The following SYNE1 variants were observed in gnomAD, a reference collection of about 807,000 sequenced individuals.
SYNE1 encodes the protein nesprin-1.
Under a neutral mutation model 1,111.0 loss-of-function variants are expected in SYNE1, and 616 were observed. That is an observed-to-expected ratio of 0.55 (90% CI 0.52 to 0.59). The LOEUF (loss-of-function observed/expected upper bound fraction) is 0.59. SYNE1 is among the 20% of genes least tolerant of loss of function. The pLI is 0.00. For missense variants in SYNE1, 10,006 were observed against 10,417.0 expected, an observed-to-expected ratio of 0.96 and a Z score of 1.72; for synonymous variants, 3,855 against 3,825.8, an observed-to-expected ratio of 1.01 and a Z score of -0.28.
intron 4 of SYNE1, among the ~76,000 whole-genome samples, chr6:152,535,485 A>T (rs1006201827): frequency 1.3e-5 from 2 of 152,164 alleles, no homozygotes; most frequent in African/African-American, 4.8e-5. Context: ...TGCTCATTCT[A>T]TATTGAAAAG....
intron 115 of SYNE1, 91 bp downstream of exon 115, chr6:152,230,456 T>G: frequency 7.4e-7 from 1 of 1,348,668 alleles, no homozygotes; most frequent in South Asian, 1.3e-5. Flanking sequence ...TTTAAAAAAA[T>G]ATTTAACTTG....
intron 2 of SYNE1, among the ~76,000 whole-genome samples, chr6:152,632,406 G>T (rs906548623): frequency 6.6e-6 from 1 of 152,074 alleles, no homozygotes; most frequent in African/African-American, 2.4e-5. Context: ...GTGAAATCAT[G>T]ATTTTCTTGC....
intron 34 of SYNE1, among the ~76,000 whole-genome samples, chr6:152,432,507 G>C (rs574973130): frequency 6.6e-6 from 1 of 151,966 alleles, no homozygotes; most frequent in Admixed American, 6.6e-5. Flanking sequence ...TGTATTTCTA[G>C]TCTGATAAAA....
intron 74 of SYNE1, 82 bp downstream of exon 74, chr6:152,343,999 G>T (rs1241659738): frequency 6.3e-7 from 1 of 1,581,504 alleles, no homozygotes; most frequent in Non-Finnish European, 8.7e-7. Context: ...ATACAGTTTG[G>T]CACATCATAG....
intron 126 of SYNE1, among the ~76,000 whole-genome samples, chr6:152,204,365 C>CAAAAAAAAAAAAA (rs57252682): frequency 1.1e-5 from 1 of 89,796 alleles, no homozygotes; most frequent in Non-Finnish European, 2.5e-5. Context: ...GACTCTATGT[C>CAAAAAAAAAAAAA]AAAAAAAAAA....
chr6:152,298,399 G>A (rs1416018858), intron 93 of SYNE1, among the ~76,000 whole-genome samples: 2 of 152,154 alleles, frequency 1.3e-5, no homozygotes, highest in Non-Finnish European at 2.9e-5. Context: ...GAATCAAGAA[G>A]CCTACAGCAA....
chr6:152,523,158 T>C (rs1330225887), intron 5 of SYNE1, among the ~76,000 whole-genome samples: 1 of 152,082 alleles, frequency 6.6e-6, no homozygotes, highest in African/African-American at 2.4e-5. Context: ...CTTCTAGTTT[T>C]TTTTTCTAGA....
At chr6:152,438,119 AC>A (rs2098491600) in intron 32 of SYNE1, among the ~76,000 whole-genome samples, 2 of 152,326 alleles carry the variant, frequency 1.3e-5, no homozygotes, top group African/African-American at 4.8e-5. Flanking sequence ...GATTTATAGT[AC>A]ACTAAAATAT....
chr6:152,153,878 G>C (rs1032330420), intron 133 of SYNE1, among the ~76,000 whole-genome samples: 8 of 152,188 alleles, frequency 5.3e-5, no homozygotes, highest in African/African-American at 1.9e-4. Flanking sequence ...GTACAACCCT[G>C]AGATTTTAAA....
At chr6:152,163,998 T>C (rs138823616) in intron 131 of SYNE1, among the ~76,000 whole-genome samples, 165 bp downstream of exon 131, 2 of 152,344 alleles carry the variant, frequency 1.3e-5, no homozygotes, top group East Asian at 3.9e-4. Context: ...ATGGAACCTG[T>C]TGGCCTCAAT....
intron 127 of SYNE1, among the ~76,000 whole-genome samples, chr6:152,200,120 A>G (rs1563435829): frequency 6.6e-6 from 1 of 152,242 alleles, no homozygotes; most frequent in Non-Finnish European, 1.5e-5. Context: ...AAAAGTACAT[A>G]ATAACACCAC....
intron 97 of SYNE1, among the ~76,000 whole-genome samples, chr6:152,281,498 T>C (rs2094026113): frequency 6.6e-6 from 1 of 152,228 alleles, no homozygotes; most frequent in African/African-American, 2.4e-5. Flanking sequence ...CTACTGATTC[T>C]CCCCATTGGC....
intron 4 of SYNE1, among the ~76,000 whole-genome samples, chr6:152,529,743 T>G (rs1292762093): frequency 6.6e-6 from 1 of 152,072 alleles, no homozygotes; most frequent in Non-Finnish European, 1.5e-5. Flanking sequence ...CACATGAGGA[T>G]GTACTTATAT....
At chr6:152,570,339 T>C (rs1228691242) in intron 3 of SYNE1, among the ~76,000 whole-genome samples, 1 of 152,214 alleles carries the variant, frequency 6.6e-6, no homozygotes, top group East Asian at 1.9e-4. Flanking sequence ...TATAAAACCA[T>C]TACTATATCA....
chr6:152,224,562 A>G lies in SYNE1; in HGVS notation c.21454T>C (p.Ser7152Pro), dbSNP rs199923983. ...GTCAGCAGACGGAATCGGGAAAGAG[A>G]GTATCTGGCCTCCATGAGGTAACTG... Reference protein sequence around the residue: ...INSYLMEARYSLSRFRLLTGS... With the variant: ...INSYLMEARYPLSRFRLLTGS... The change falls in exon 117 of 146, where the codon TCT becomes CCT. Residue 7152 changes from serine to proline, a missense_variant. Physicochemically the swap from Ser to Pro is moderately conservative, Grantham distance 74 (BLOSUM62 -1). Transcript: ENST00000367255. 6.2e-7 allele frequency: 1 copy of G among 1,614,004 alleles called. No individual in the cohort carries two copies. Among genetic ancestry groups the G allele is most frequent in the Admixed American group, 1.7e-5 (1 of 60,002 alleles).
chr6:152,457,957 T>A (rs1296812380), intron 22 of SYNE1, among the ~76,000 whole-genome samples: 1 of 150,472 alleles, frequency 6.6e-6, no homozygotes. Flanking sequence ...TATATAAATA[T>A]CCTCTCTGTA....
At chr6:152,314,893 G>C (rs1331264173) in intron 87 of SYNE1, among the ~76,000 whole-genome samples, 4 of 142,862 alleles carry the variant, frequency 2.8e-5, no homozygotes, top group African/African-American at 5.1e-5. Flanking sequence ...CTGTAGCTCA[G>C]TGGCGTGATC....
intron 130 of SYNE1, among the ~76,000 whole-genome samples, chr6:152,175,547 C>T (rs2066242416): frequency 6.6e-6 from 1 of 152,156 alleles, no homozygotes; most frequent in Non-Finnish European, 1.5e-5. Flanking sequence ...CTCAAATATT[C>T]AAATATTCAT....
chr6:152,412,247 C>T (rs1409384151), intron 42 of SYNE1, among the ~76,000 whole-genome samples: 1 of 151,650 alleles, frequency 6.6e-6, no homozygotes, highest in Non-Finnish European at 1.5e-5. Flanking sequence ...CGGTGAAACC[C>T]CATCTCTACT....
Sources: gnomAD v4.1 joint callset for allele counts (sites outside exome capture counted in the v4.1 genomes callset) on GRCh38, gnomAD v4.1.1 for gene constraint, MANE v1.5 for transcripts, NCBI Gene and HGNC (gene_info 2026-07-23, HGNC 2026-07-21) for gene names.